The following DNAJB4 variants were observed in gnomAD, a reference collection of about 807,000 sequenced individuals.
DNAJB4 encodes dnaJ homolog subfamily B member 4.
A neutral mutation model predicts 26.6 loss-of-function variants in DNAJB4; 10 were observed. The ratio of observed to expected loss-of-function variants is 0.38; its 90% CI spans 0.23 to 0.64. The LOEUF is 0.64. Ranked by LOEUF, DNAJB4 falls within the 30% of genes least tolerant of loss-of-function variation. The pLI, the probability that DNAJB4 is intolerant of heterozygous loss-of-function variation, is 0.58. For synonymous variants in DNAJB4, 136 were observed against 134.8 expected (o/e 1.01, Z -0.06); for missense variants, 328 against 408.2 (o/e 0.80, Z 1.69).
upstream of DNAJB4, among the ~76,000 whole-genome samples, chr1:78,001,498 G>A: frequency 6.6e-6 from 1 of 152,128 alleles, no homozygotes; most frequent in South Asian, 2.1e-4. Flanking sequence ...TTTCTTCTGA[G>A]ACTCATGGCA....
At chr1:77,979,221 G>A (rs143306757), upstream of DNAJB4, 5 of 542,446 alleles carry the variant, frequency 9.2e-6, no homozygotes, top group Non-Finnish European at 1.6e-5. Context: ...GAACAGAGAC[G>A]TCGCGAGGAT....
chr1:77,989,045 AC>A (rs570833093), intron 1 of DNAJB4, among the ~76,000 whole-genome samples: 137 of 152,234 alleles, frequency 9.0e-4, no homozygotes, highest in Non-Finnish European at 1.6e-3. Flanking sequence ...CTTATCAAAC[AC>A]CCTACTTTAC....
intron 1 of DNAJB4, among the ~76,000 whole-genome samples, chr1:77,997,627 G>A (rs1323542902): frequency 6.6e-6 from 1 of 152,038 alleles, no homozygotes; most frequent in Non-Finnish European, 1.5e-5. Flanking sequence ...TACATTTTAT[G>A]CTCTTTTGCT....
chr1:78,013,387 G>A lies in DNAJB4; in HGVS notation c.548G>A (p.Arg183Gln), dbSNP rs1269008800. The change falls in exon 2 of 3, where the codon CGA becomes CAA. Residue 183 changes from arginine (R) to glutamine (Q), a missense_variant. Transcript: ENST00000370763. ...SGCTKRMKIS[R>Q]KRLNADGRSY... is the part of the protein sequence containing the mutation. ...TGTACCAAACGGATGAAGATTTCTCGAAAAAGGCTAAACGCTGATGGAAGG... is the reference window on the plus strand; with the variant it reads ...TGTACCAAACGGATGAAGATTTCTCAAAAAAGGCTAAACGCTGATGGAAGG... 3.1e-6 allele frequency: 5 copies of A among 1,614,114 alleles called. No individual in the cohort carries two copies. Among genetic ancestry groups the A allele is most frequent in the East Asian group, 2.2e-5 (1 of 44,886 alleles).
At chr1:77,986,365 TCAAA>T (rs1393153444) in intron 1 of DNAJB4, among the ~76,000 whole-genome samples, 2 of 152,224 alleles carry the variant, frequency 1.3e-5, no homozygotes, top group African/African-American at 4.8e-5. Flanking sequence ...TCCAGACAAC[TCAAA>T]CAATAAAAAT....
In DNAJB4 at chr1:78,017,220, C is replaced by G. The variant is rs1660663657; in HGVS notation, c.*973C>G. The G allele has an allele frequency of 6.6e-6, 1 of 151,946 alleles. No individual in the cohort carries two copies. The highest frequency in any genetic ancestry group is 1.5e-5 in the Non-Finnish European group (1 of 67,890). The allele number at this position is 151,946 out of a possible 1,614,324, so 9.4% of individuals were successfully genotyped here. On this transcript the variant is annotated 3_prime_UTR_variant, in exon 3 of 3. Transcript: ENST00000370763. ...CTGCTGCTTATGGATAATGTTGCAA[C>G]TACTTGTTATGCATATAAATATTTT...
At chr1:78,004,428 C>T (rs533683338), upstream of DNAJB4, 23 of 152,042 alleles carry the variant, frequency 1.5e-4, no homozygotes, top group African/African-American at 4.1e-4. Context: ...AACTTTCTGG[C>T]GTTTCTGATT....
At chr1:77,997,003 A>G (rs1660077780) in intron 1 of DNAJB4, among the ~76,000 whole-genome samples, 1 of 152,228 alleles carries the variant, frequency 6.6e-6, no homozygotes, top group Non-Finnish European at 1.5e-5. Context: ...CTTACAGATT[A>G]TTAATGAAAC....
intron 1 of DNAJB4, among the ~76,000 whole-genome samples, chr1:77,986,791 A>T (rs1334371790): frequency 6.6e-6 from 1 of 152,226 alleles, no homozygotes; most frequent in African/African-American, 2.4e-5. Context: ...TAAATAATAA[A>T]AAATCCAGGG....
chr1:77,988,668 A>G (rs974481327), intron 1 of DNAJB4, among the ~76,000 whole-genome samples: 3 of 152,180 alleles, frequency 2.0e-5, no homozygotes, highest in Non-Finnish European at 4.4e-5. Context: ...TGTAGTGCTA[A>G]TATCATTTTC....
upstream of DNAJB4, chr1:77,979,218 G>A (rs1490296026): frequency 3.6e-6 from 2 of 550,740 alleles, no homozygotes; most frequent in Non-Finnish European, 6.5e-6. Context: ...CAGGAACAGA[G>A]ACGTCGCGAG....
At chr1:77,996,997 C>T (rs755375620) in intron 1 of DNAJB4, among the ~76,000 whole-genome samples, 1 of 152,126 alleles carries the variant, frequency 6.6e-6, no homozygotes, top group Admixed American at 6.5e-5. Flanking sequence ...AGGAAGCTTA[C>T]AGATTATTAA....
intron 1 of DNAJB4, among the ~76,000 whole-genome samples, chr1:77,987,562 C>T (rs146340203): frequency 2.0e-5 from 3 of 152,144 alleles, no homozygotes; most frequent in African/African-American, 7.2e-5. Context: ...TGGCCCCATG[C>T]ATCTTTATTT....
intron 1 of DNAJB4, among the ~76,000 whole-genome samples, chr1:78,012,741 G>A (rs994807099): frequency 3.3e-5 from 5 of 152,100 alleles, no homozygotes; most frequent in African/African-American, 4.8e-5. Context: ...CCTGGGAGGC[G>A]GAGGTTGCGG....
chr1:78,007,559 C>T lies in DNAJB4; in HGVS notation c.211+2238C>T, dbSNP rs144484878. Among the ~76,000 whole-genome samples, 948 of 151,758 alleles carry T rather than the reference C, an allele frequency of 6.2e-3. 6 individuals are homozygous for T. Among genetic ancestry groups the T allele is most frequent in the African/African-American group, 0.021 (877 of 41,378 alleles). On this transcript the variant is annotated intron_variant, in intron 1 of 2. Coordinates refer to ENST00000370763, the MANE Select transcript of DNAJB4 (RefSeq NM_007034.5). The stretch of plus-strand genomic sequence containing the variant: ...TCGAGCCACTGCACTTCAGCCTGGG[C>T]GACAGAGCGAGACCTCATCTCAAAA...
rs1358079731 is a variant in DNAJB4 at position 78,013,099 on chromosome 1, G to C, written c.260G>C (p.Arg87Pro). ...GGTDGQGGTFRYTFHGDPHAT... is the reference protein window; with the variant it reads ...GGTDGQGGTFPYTFHGDPHAT... ...ACTGATGGACAAGGAGGTACCTTCC[G>C]GTACACCTTTCATGGCGATCCTCAT... Residue 87 changes from arginine to proline, a missense_variant, in exon 2 of 3, where the codon CGG (arginine) becomes CCG (proline). By Grantham distance (103) the Arg-to-Pro change is moderately radical. Coordinates refer to ENST00000370763, the MANE Select transcript of DNAJB4 (RefSeq NM_007034.5). 1.9e-6 allele frequency: 3 copies of C among 1,613,814 alleles called. No individual in the cohort carries two copies. Among genetic ancestry groups the C allele is most frequent in the Non-Finnish European group, 1.7e-6 (2 of 1,179,814 alleles).
chr1:77,992,153 C>T (rs1659944769), intron 1 of DNAJB4, among the ~76,000 whole-genome samples: 1 of 151,980 alleles, frequency 6.6e-6, no homozygotes, highest in South Asian at 2.1e-4. Flanking sequence ...GTGGCTCACG[C>T]CTGTAATCCC....
chr1:78,010,278 T>TA (rs1660434732), intron 1 of DNAJB4, among the ~76,000 whole-genome samples: 1 of 152,144 alleles, frequency 6.6e-6, no homozygotes, highest in Non-Finnish European at 1.5e-5. Flanking sequence ...GTTAAATAAT[T>TA]ATACTCCCTT....
intron 1 of DNAJB4, among the ~76,000 whole-genome samples, chr1:78,012,292 A>G (rs1381681667): frequency 6.7e-6 from 1 of 148,516 alleles, no homozygotes; most frequent in Non-Finnish European, 1.5e-5. Context: ...CCTCCTGAGT[A>G]GCTAGTATTA....
Sources: gnomAD v4.1 joint callset for allele counts (sites outside exome capture counted in the v4.1 genomes callset) on GRCh38, gnomAD v4.1.1 for gene constraint, MANE v1.5 for transcripts, NCBI Gene and HGNC (gene_info 2026-07-23, HGNC 2026-07-21) for gene names.